The following STK32B variants were observed in gnomAD, a reference collection of about 807,000 sequenced individuals.
STK32B encodes the protein serine/threonine kinase 32B.
In STK32B, 43 loss-of-function variants were observed where a neutral mutation model predicts 52.6. The observed-to-expected ratio is 0.82, with a 90% CI of 0.64 to 1.05. STK32B has a LOEUF of 1.05. Ranked by LOEUF, STK32B falls within the 50% of genes least tolerant of loss-of-function variation. The pLI, the probability that STK32B is intolerant of heterozygous loss-of-function variation, is 0.00. For synonymous variants in STK32B, 238 were observed against 204.3 expected (o/e 1.17, Z -1.41); for missense variants, 621 against 534.6 (o/e 1.16, Z -1.59).
intron 3 of STK32B, among the ~76,000 whole-genome samples, chr4:5,170,844 C>T (rs111435083): frequency 6.6e-6 from 1 of 151,976 alleles, no homozygotes; most frequent in African/African-American, 2.4e-5. Flanking sequence ...ATGGCTGGGT[C>T]AAATGGTATT....
At chr4:5,438,627 G>C (rs535763984) in intron 6 of STK32B, among the ~76,000 whole-genome samples, 1 of 152,306 alleles carries the variant, frequency 6.6e-6, no homozygotes, top group East Asian at 1.9e-4. Flanking sequence ...TATACTTTAA[G>C]TTTTAGGGTA....
intron 11 of STK32B, among the ~76,000 whole-genome samples, chr4:5,484,690 T>C (rs1242559959): frequency 1.3e-5 from 2 of 152,178 alleles, no homozygotes; most frequent in African/African-American, 4.8e-5. Context: ...GCCTCGATGG[T>C]CTTTACAATT....
intron 3 of STK32B, among the ~76,000 whole-genome samples, chr4:5,211,084 C>T (rs1355013942): frequency 6.6e-6 from 1 of 152,120 alleles, no homozygotes; most frequent in Admixed American, 6.6e-5. Flanking sequence ...TGTGAGCTAC[C>T]ATGCCCTACC....
chr4:5,468,040 G>A lies in STK32B; in HGVS notation c.1076G>A (p.Arg359Gln), dbSNP rs771310611. The A allele has an allele frequency of 7.4e-6, 12 of 1,613,992 alleles. No homozygotes were observed. Among genetic ancestry groups the A allele is most frequent in the Admixed American group, 5.0e-5 (3 of 59,996 alleles). Residue 359 changes from arginine to glutamine, a missense_variant, in exon 11 of 12, where the codon CGG becomes CAG. Physicochemically the swap from Arg to Gln is conservative, Grantham distance 43. Transcript: ENST00000282908. ...CTGCAGCACTGTTTGGAGACTGTCC[G>A]GGAGGAATTCATCATATTCAACAGA... is the stretch of plus-strand genomic sequence containing the variant. ...GHLQHCLETV[R>Q]EEFIIFNREK...
rs1171897286 is a variant in STK32B, at chr4:5,142,972, A to T, written c.108+3012A>T. 2.0e-5 allele frequency among the ~76,000 whole-genome samples: 3 copies of T among 152,166 alleles called. No individual in the cohort carries two copies. In the South Asian group the frequency reaches 6.2e-4, roughly 32 times the overall value. On this transcript the variant is annotated intron_variant, in intron 2 of 11. Coordinates refer to ENST00000282908, the MANE Select transcript of STK32B (RefSeq NM_018401.3). ...TGCCTCCTGGTGGCCTTTGGACTGG[A>T]GTTGCAGTATCAACTCTTTTCTGGA...
At chr4:5,316,245 TGTATATATAATATATTATATA>T (rs1470243843) in intron 3 of STK32B, among the ~76,000 whole-genome samples, 3 of 57,030 alleles carry the variant, frequency 5.3e-5, no homozygotes, top group South Asian at 1.0e-3. Flanking sequence ...TATTATATAT[TGTATATATAATATATTATATA>T]GTATATATAA....
chr4:5,033,899 G>T, the STK32B span, among the ~76,000 whole-genome samples: 1 of 152,112 alleles, frequency 6.6e-6, no homozygotes, highest in Non-Finnish European at 1.5e-5. Flanking sequence ...TTTTGCTGGG[G>T]ACATGCAAAT....
chr4:5,174,136 T>C (rs186723157), intron 3 of STK32B, among the ~76,000 whole-genome samples: 1 of 152,238 alleles, frequency 6.6e-6, no homozygotes, highest in African/African-American at 2.4e-5. Flanking sequence ...CTGCCTTTTT[T>C]TGTTTTCCAT....
intron 2 of STK32B, among the ~76,000 whole-genome samples, chr4:5,165,822 C>A (rs1270511662): frequency 6.6e-6 from 1 of 152,200 alleles, no homozygotes; most frequent in Admixed American, 6.5e-5. Flanking sequence ...CGACCTCATG[C>A]CGTAAATTTT....
intron 1 of STK32B, 104 bp downstream of exon 1, chr4:5,052,019 C>T (rs953426012): frequency 3.3e-6 from 5 of 1,500,396 alleles, no homozygotes; most frequent in Non-Finnish European, 4.5e-6. Context: ...GGCGCGGGGA[C>T]CCAGGCATGG....
At chr4:5,073,943 T>C (rs1406723400) in intron 1 of STK32B, among the ~76,000 whole-genome samples, 1 of 152,060 alleles carries the variant, frequency 6.6e-6, no homozygotes, top group Non-Finnish European at 1.5e-5. Flanking sequence ...TGTGGTTTTC[T>C]TTCCTTTTAT....
intron 6 of STK32B, among the ~76,000 whole-genome samples, chr4:5,433,235 G>C (rs1402801964): frequency 6.6e-6 from 1 of 152,134 alleles, no homozygotes; most frequent in Non-Finnish European, 1.5e-5. Context: ...CAATCAAATG[G>C]TCAAATACAA....
At chr4:5,309,732 A>G (rs1730166458) in intron 3 of STK32B, among the ~76,000 whole-genome samples, 1 of 152,224 alleles carries the variant, frequency 6.6e-6, no homozygotes, top group Non-Finnish European at 1.5e-5. Context: ...AAACCAACTT[A>G]AAAGGGATTA....
At chr4:5,322,476 C>G (rs1485964613) in intron 3 of STK32B, among the ~76,000 whole-genome samples, 3 of 152,130 alleles carry the variant, frequency 2.0e-5, no homozygotes, top group African/African-American at 7.2e-5. Context: ...AGTTGCCACA[C>G]AGTAAAAACA....
At chr4:5,270,193 T>G (rs1727330978) in intron 3 of STK32B, among the ~76,000 whole-genome samples, 1 of 152,106 alleles carries the variant, frequency 6.6e-6, no homozygotes, top group Admixed American at 6.5e-5. Context: ...AGGAGTTTAT[T>G]AAGGAGTATT....
At chr4:5,050,891 C>T (rs1741740470), upstream of STK32B, among the ~76,000 whole-genome samples, 1 of 152,194 alleles carries the variant, frequency 6.6e-6, no homozygotes, top group African/African-American at 2.4e-5. Flanking sequence ...GGGGGAATCC[C>T]GAGACTCATG....
At chr4:5,139,383 A>G (rs912074615) in intron 1 of STK32B, among the ~76,000 whole-genome samples, 7 of 152,176 alleles carry the variant, frequency 4.6e-5, no homozygotes, top group Admixed American at 3.3e-4. Flanking sequence ...GCCACTGCCA[A>G]TTAGGTGGTC....
intron 1 of STK32B, among the ~76,000 whole-genome samples, chr4:5,106,060 T>A (rs960577940): frequency 6.7e-6 from 1 of 150,362 alleles, no homozygotes. Flanking sequence ...CCCAGCACTT[T>A]GGGAGGCCGA....
the STK32B span, among the ~76,000 whole-genome samples, chr4:5,019,850 G>C: frequency 2.4e-4 from 36 of 152,248 alleles, no homozygotes; most frequent in African/African-American, 7.7e-4. Context: ...TGGATGGCAC[G>C]GTTTGTCAAA....
Sources: gnomAD v4.1 joint callset for allele counts (sites outside exome capture counted in the v4.1 genomes callset) on GRCh38, gnomAD v4.1.1 for gene constraint, MANE v1.5 for transcripts, NCBI Gene and HGNC (gene_info 2026-07-23, HGNC 2026-07-21) for gene names.